NEGR1: variants seen among roughly 807,000 people sequenced by gnomAD.
NEGR1 encodes IgLON family member 4.
Under a neutral mutation model 40.9 loss-of-function variants are expected in NEGR1, and 10 were observed. That is an observed-to-expected ratio of 0.24 (90% CI 0.15 to 0.42). The LOEUF (loss-of-function observed/expected upper bound fraction) is 0.42. Ranked by LOEUF, NEGR1 falls within the 10% of genes least tolerant of loss-of-function variation. The pLI, the probability that NEGR1 is intolerant of heterozygous loss-of-function variation, is 1.00. For synonymous variants in NEGR1, 185 were observed against 166.8 expected (o/e 1.11, Z -0.84); for missense variants, 352 against 438.9 (o/e 0.80, Z 1.77).
chr1:71,856,178 G>C (rs1039209317), intron 2 of NEGR1, among the ~76,000 whole-genome samples: 5 of 151,956 alleles, frequency 3.3e-5, no homozygotes, highest in African/African-American at 1.2e-4. Flanking sequence ...AGGAGTAGAT[G>C]GTCTAGTGAT....
chr1:71,869,766 C>T (rs1006203414), intron 2 of NEGR1, among the ~76,000 whole-genome samples: 4 of 152,074 alleles, frequency 2.6e-5, no homozygotes, highest in African/African-American at 9.7e-5. Context: ...TCTTATTTTT[C>T]ACTTTCACTT....
chr1:71,504,593 G>A (rs1337454795), intron 6 of NEGR1, among the ~76,000 whole-genome samples: 1 of 152,176 alleles, frequency 6.6e-6, no homozygotes, highest in African/African-American at 2.4e-5. Flanking sequence ...TTCCTTCTGA[G>A]TAGGTCCCAC....
At chr1:72,020,062 A>G (rs1394282802) in intron 1 of NEGR1, among the ~76,000 whole-genome samples, 1 of 152,230 alleles carries the variant, frequency 6.6e-6, no homozygotes, top group Non-Finnish European at 1.5e-5. Context: ...ACTTCTGAGT[A>G]TAAGATTTAA....
intron 1 of NEGR1, among the ~76,000 whole-genome samples, chr1:72,260,321 C>A (rs564023347): frequency 6.6e-6 from 1 of 151,978 alleles, no homozygotes; most frequent in African/African-American, 2.4e-5. Flanking sequence ...TTGATAAGCC[C>A]AATTTTTACA....
intron 3 of NEGR1, among the ~76,000 whole-genome samples, chr1:71,763,672 G>A (rs1378432129): frequency 1.3e-5 from 2 of 152,016 alleles, no homozygotes; most frequent in East Asian, 3.9e-4. Context: ...AAATTGATTG[G>A]TGTGAGCTTT....
intron 2 of NEGR1, among the ~76,000 whole-genome samples, chr1:71,814,110 C>T (rs1162145296): frequency 1.3e-5 from 2 of 151,982 alleles, no homozygotes; most frequent in Admixed American, 6.6e-5. Flanking sequence ...TCCATCAATA[C>T]CTAGATTATT....
At chr1:71,524,358 T>C (rs1205815591) in intron 6 of NEGR1, among the ~76,000 whole-genome samples, 1 of 126,728 alleles carries the variant, frequency 7.9e-6, no homozygotes, top group East Asian at 3.2e-4. Context: ...GTGTGTGTGA[T>C]ATCAACCAAT....
At chr1:72,216,406 T>TATATAC (rs1557582842) in intron 1 of NEGR1, among the ~76,000 whole-genome samples, 30 of 146,342 alleles carry the variant, frequency 2.0e-4, no homozygotes, top group African/African-American at 7.2e-4. Flanking sequence ...TATATACATA[T>TATATAC]ATATATATAT....
rs1323829390 is a variant in NEGR1, at chr1:71,870,048, T to G, written c.409+65031A>C. 2.6e-5 allele frequency among the ~76,000 whole-genome samples: 4 copies of G among 151,924 alleles called. No homozygotes were observed. The East Asian group carries it at 7.8e-4, about 29-fold the overall frequency. On this transcript the variant is annotated intron_variant, in intron 2 of 6. Coordinates refer to ENST00000357731, the MANE Select transcript of NEGR1 (RefSeq NM_173808.3). ...GCGCGGGCCACCACAGCTGGCTAAT[T>G]TTTGTATTTTTAGTAGAGACGGGGT...
chr1:72,164,479 T>C (rs1233268124), intron 1 of NEGR1, among the ~76,000 whole-genome samples: 1 of 152,044 alleles, frequency 6.6e-6, no homozygotes, highest in Non-Finnish European at 1.5e-5. Flanking sequence ...CACTTTATGC[T>C]GTGTATCTGC....
intron 3 of NEGR1, among the ~76,000 whole-genome samples, chr1:71,731,370 A>C (rs17091695): frequency 0.027 from 4,073 of 152,256 alleles, 155 homozygotes; most frequent in African/African-American, 0.092. Context: ...TGATGGTGGA[A>C]CTCAGCATTT....
intron 3 of NEGR1, among the ~76,000 whole-genome samples, chr1:71,743,322 A>G (rs1413268587): frequency 6.6e-6 from 1 of 152,044 alleles, no homozygotes; most frequent in African/African-American, 2.4e-5. Context: ...AGAGGTGAAG[A>G]TAGTACATCA....
At chr1:71,882,790 A>T (rs1033767128) in intron 2 of NEGR1, among the ~76,000 whole-genome samples, 1 of 150,530 alleles carries the variant, frequency 6.6e-6, no homozygotes, top group Non-Finnish European at 1.5e-5. Context: ...TTCTCAGTCT[A>T]TATGTGGAGG....
In NEGR1 at chr1:71,688,331, TAG is replaced by T. The variant is rs1355800815; in HGVS notation, c.667+9675_667+9676del. Among the ~76,000 whole-genome samples the T allele has an allele frequency of 4.9e-3, 420 of 85,756 alleles. 23 individuals carry two copies. Among genetic ancestry groups the T allele is most frequent in the African/African-American group, 0.015 (340 of 23,312 alleles). 56.3% of individuals were successfully genotyped at this position (85,756 alleles called of 152,430 possible). ...TTTCATATATATATATATATATAGA[TAG>T]ATAGATAGATAGATAGATAGATTAT... On this transcript the variant is annotated intron_variant, in intron 4 of 6. Coordinates refer to ENST00000357731, the MANE Select transcript of NEGR1 (RefSeq NM_173808.3).
chr1:71,469,654 G>T (rs1354588106), intron 6 of NEGR1, among the ~76,000 whole-genome samples: 1 of 152,058 alleles, frequency 6.6e-6, no homozygotes, highest in Non-Finnish European at 1.5e-5. Context: ...GCTTGGGACA[G>T]AGTGAAAGGG....
In NEGR1 at chr1:71,969,946, T is replaced by C. The variant is rs2100315249; in HGVS notation, c.177-34635A>G. Among the ~76,000 whole-genome samples, 2 of 152,324 alleles carry C rather than the reference T, an allele frequency of 1.3e-5. 1 individual carries two copies. The highest frequency in any genetic ancestry group is 4.1e-4 in the South Asian group (2 of 4,830). On this transcript the variant is annotated intron_variant, in intron 1 of 6. Coordinates refer to ENST00000357731, the MANE Select transcript of NEGR1 (RefSeq NM_173808.3). ...GTGTCAGTCACTATAGTCTTGTGTA[T>C]ACTGAAATATATTGCATAGCTGTAT...
At chr1:71,869,269 T>C (rs1254961169) in intron 2 of NEGR1, among the ~76,000 whole-genome samples, 1 of 152,182 alleles carries the variant, frequency 6.6e-6, no homozygotes, top group Admixed American at 6.5e-5. Flanking sequence ...AGTCAACTAA[T>C]ACAAGTCCTC....
chr1:71,590,600 C>A (rs893344895), intron 6 of NEGR1, among the ~76,000 whole-genome samples: 1 of 152,038 alleles, frequency 6.6e-6, no homozygotes, highest in East Asian at 1.9e-4. Flanking sequence ...TTGTCACTAA[C>A]CATTTGGCTT....
intron 1 of NEGR1, among the ~76,000 whole-genome samples, chr1:72,247,676 A>G (rs980152764): frequency 2.0e-5 from 3 of 152,156 alleles, no homozygotes; most frequent in Non-Finnish European, 4.4e-5. Flanking sequence ...AAGAAGTTCC[A>G]TATTTTCCCT....
Sources: allele counts gnomAD v4.1 joint callset (sites outside exome capture counted in the v4.1 genomes callset), GRCh38; gene constraint gnomAD v4.1.1; transcripts MANE v1.5; gene names NCBI Gene and HGNC (gene_info 2026-07-23, HGNC 2026-07-21).